The following FAM135B variants were observed in gnomAD, a reference collection of about 807,000 sequenced individuals.
FAM135B encodes the protein family with sequence similarity 135 member B, also known as protein FAM135B.
FAM135B carries 43 observed loss-of-function variants against 127.7 expected under a neutral mutation model. That is an observed-to-expected ratio of 0.34 (90% CI 0.26 to 0.43). The LOEUF (loss-of-function observed/expected upper bound fraction) is 0.43. Ranked by LOEUF, FAM135B falls within the 20% of genes least tolerant of loss-of-function variation. The pLI, the probability that FAM135B is intolerant of heterozygous loss-of-function variation, is 1.00. For missense variants in FAM135B, 1,558 were observed against 1,725.6 expected (o/e 0.90, Z 1.72); for synonymous variants, 670 against 665.1 (o/e 1.01, Z -0.11).
intron 3 of FAM135B, among the ~76,000 whole-genome samples, chr8:138,306,296 A>T (rs1826249083): frequency 6.6e-6 from 1 of 151,790 alleles, no homozygotes; most frequent in African/African-American, 2.4e-5. Flanking sequence ...TTAACCAGGC[A>T]TGGTGGCACA....
intron 3 of FAM135B, among the ~76,000 whole-genome samples, chr8:138,281,748 G>T (rs1824282736): frequency 6.6e-6 from 1 of 151,998 alleles, no homozygotes; most frequent in Admixed American, 6.6e-5. Flanking sequence ...CATTAGGGTG[G>T]TTTATTTTAT....
chr8:138,166,110 T>C (rs1819895340), intron 12 of FAM135B, among the ~76,000 whole-genome samples: 1 of 152,214 alleles, frequency 6.6e-6, no homozygotes, highest in Admixed American at 6.5e-5. Flanking sequence ...TTAATAAGCC[T>C]TGTGATCTTT....
At chr8:138,353,336 T>G (rs1567684) in intron 2 of FAM135B, among the ~76,000 whole-genome samples, 150,680 of 152,256 alleles carry the variant, frequency 0.99, 74,586 homozygotes, top group East Asian at 1. Flanking sequence ...AAATTATTTT[T>G]GCAAAGGCTA....
chr8:138,172,750 A>G (rs1302751557), intron 11 of FAM135B, among the ~76,000 whole-genome samples: 1 of 152,224 alleles, frequency 6.6e-6, no homozygotes, highest in Admixed American at 6.5e-5. Flanking sequence ...CTGAGTAAAT[A>G]AATACATTAG....
At chr8:138,236,380 G>C (rs1221545032) in intron 7 of FAM135B, among the ~76,000 whole-genome samples, 1 of 148,128 alleles carries the variant, frequency 6.8e-6, no homozygotes, top group Non-Finnish European at 1.5e-5. Flanking sequence ...TGAATAAATG[G>C]ATAAAGAACA....
chr8:138,361,102 A>G (rs926788899), intron 2 of FAM135B, among the ~76,000 whole-genome samples: 3 of 151,750 alleles, frequency 2.0e-5, no homozygotes, highest in African/African-American at 4.8e-5. Context: ...ATTTTTTTGT[A>G]TTTTTAGTAG....
At chr8:138,419,716 T>G (rs1045877717) in intron 1 of FAM135B, among the ~76,000 whole-genome samples, 2 of 152,156 alleles carry the variant, frequency 1.3e-5, no homozygotes, top group African/African-American at 4.8e-5. Context: ...ACCATGCAAT[T>G]ACATGGAAAT....
At chr8:138,269,930 A>C (rs1044867693) in intron 3 of FAM135B, among the ~76,000 whole-genome samples, 1 of 152,246 alleles carries the variant, frequency 6.6e-6, no homozygotes, top group Non-Finnish European at 1.5e-5. Flanking sequence ...CGGGAAGGAC[A>C]GAAAGTCACC....
At chr8:138,195,978 C>T (rs910880460) in intron 8 of FAM135B, among the ~76,000 whole-genome samples, 4 of 152,198 alleles carry the variant, frequency 2.6e-5, no homozygotes, top group South Asian at 2.1e-4. Context: ...TAGCAGCTTA[C>T]GGTCCTTGCT....
chr8:138,156,826 T>C (rs900138982), intron 12 of FAM135B, among the ~76,000 whole-genome samples: 3 of 152,020 alleles, frequency 2.0e-5, no homozygotes, highest in African/African-American at 7.2e-5. Flanking sequence ...ACCAAAAAAG[T>C]CCAGGACCAG....
intron 1 of FAM135B, among the ~76,000 whole-genome samples, chr8:138,452,608 A>G (rs574447492): frequency 6.6e-6 from 1 of 152,304 alleles, no homozygotes; most frequent in African/African-American, 2.4e-5. Context: ...TTAACAAATT[A>G]TGTAAATACT....
chr8:138,371,430 A>G (rs1327302330), intron 1 of FAM135B, among the ~76,000 whole-genome samples: 1 of 152,184 alleles, frequency 6.6e-6, no homozygotes, highest in Non-Finnish European at 1.5e-5. Flanking sequence ...CAAGATGCCC[A>G]TGACACATAC....
intron 11 of FAM135B, among the ~76,000 whole-genome samples, chr8:138,171,253 A>G (rs1375360367): frequency 6.6e-6 from 1 of 152,188 alleles, no homozygotes; most frequent in African/African-American, 2.4e-5. Context: ...GATCCTGGTA[A>G]CAAAAATTAC....
At chr8:138,351,995 A>AT (rs1359854795) in intron 2 of FAM135B, among the ~76,000 whole-genome samples, 1 of 152,012 alleles carries the variant, frequency 6.6e-6, no homozygotes, top group African/African-American at 2.4e-5. Flanking sequence ...CGACCAGATT[A>AT]TTTTTTTATT....
At position 138,181,051 on chromosome 8, in the gene FAM135B, C is replaced by T. The variant is rs778368984; in HGVS notation, c.874-2361G>A. ...GTCAAGAGAACGAGACCATCCTGGC[C>T]GACATGGTAAAACCCTGTCTCTACT... On this transcript the variant is annotated intron_variant, in intron 9 of 19. Transcript: ENST00000395297. Among the ~76,000 whole-genome samples the T allele has an allele frequency of 2.0e-5, 3 of 149,886 alleles. No individual in the cohort carries two copies. The Admixed American group carries it at 2.0e-4, about 10-fold the overall frequency.
At chr8:138,217,721 A>G (rs2129976750) in intron 7 of FAM135B, among the ~76,000 whole-genome samples, 1 of 152,228 alleles carries the variant, frequency 6.6e-6, no homozygotes, top group South Asian at 2.1e-4. Context: ...GTGAGCCACC[A>G]TGCCCGGCCG....
At position 138,151,351 on chromosome 8, in the gene FAM135B, G is replaced by A; in HGVS notation, c.3124C>T (p.Leu1042Phe). The change falls in exon 13 of 20, where the codon CTC becomes TTC. Residue 1042 changes from leucine to phenylalanine, a missense_variant. Physicochemically the swap from Leu to Phe is conservative, Grantham distance 22. Around this residue, in one of 5 missense-constraint regions of FAM135B, gnomAD observed 923 missense variants for 865.3 expected, o/e 1.07. Coordinates refer to ENST00000395297, the MANE Select transcript of FAM135B (RefSeq NM_015912.4). ...NLSVSCTATCLPFSSVPKETP... is the reference protein window; with the variant it reads ...NLSVSCTATCFPFSSVPKETP... Reference sequence around the variant, plus strand: ...TCCTTGGGCACAGATGAGAAAGGGAGACAGGTGGCAGTGCAAGACACAGAT... The same window carrying A: ...TCCTTGGGCACAGATGAGAAAGGGAAACAGGTGGCAGTGCAAGACACAGAT... 2 of 1,614,018 alleles carry A rather than the reference G, an allele frequency of 1.2e-6. No homozygotes were observed. The highest frequency in any genetic ancestry group is 2.7e-5 in the African/African-American group (2 of 75,066).
rs1831035506 is a variant in FAM135B at position 138,370,355 on chromosome 8, CTT to C, written c.-19-2355_-19-2354del. 2.0e-5 allele frequency among the ~76,000 whole-genome samples: 3 copies of C among 152,034 alleles called. No homozygotes were observed. The South Asian group carries it at 6.2e-4, about 32-fold the overall frequency. ...ACACAGCTTCTTGGTGGGAAATTGC[CTT>C]TTCCTTTAAAATAGCATGTTAGGCA... On this transcript the variant is annotated intron_variant, in intron 1 of 19. Transcript: ENST00000395297.
intron 1 of FAM135B, among the ~76,000 whole-genome samples, chr8:138,479,298 A>G (rs796327740): frequency 2.8e-4 from 42 of 152,196 alleles, no homozygotes; most frequent in African/African-American, 9.6e-4. Context: ...TTGGTAATAA[A>G]TTAAGTTTCC....
Sources: gnomAD v4.1 joint callset for allele counts (sites outside exome capture counted in the v4.1 genomes callset) on GRCh38, gnomAD v4.1.1 for gene constraint, gnomAD v4.1.1 regional missense constraint, MANE v1.5 for transcripts, NCBI Gene and HGNC (gene_info 2026-07-23, HGNC 2026-07-21) for gene names.